CREBBP: variants seen among roughly 807,000 people sequenced by gnomAD.
CREBBP encodes CREB-binding protein.
In CREBBP, 19 loss-of-function variants were observed where a neutral mutation model predicts 265.0. The ratio of observed to expected loss-of-function variants is 0.07; its 90% CI spans 0.05 to 0.11. The LOEUF (loss-of-function observed/expected upper bound fraction) is 0.11. Ranked by LOEUF, CREBBP falls within the 10% of genes least tolerant of loss-of-function variation. CREBBP has a pLI of 1.00. For missense variants in CREBBP, 2,525 were observed against 3,219.0 expected, an observed-to-expected ratio of 0.78 and a Z score of 5.22; for synonymous variants, 1,457 against 1,223.7, an observed-to-expected ratio of 1.19 and a Z score of -3.98.
intron 4 of CREBBP, among the ~76,000 whole-genome samples, chr16:3,792,659 C>T (rs1026967942): frequency 3.9e-5 from 6 of 152,214 alleles, no homozygotes; most frequent in African/African-American, 1.4e-4. Context: ...ACTCTGGGGA[C>T]TCACAAATGT....
At chr16:3,868,549 A>G (rs1430966649) in intron 1 of CREBBP, among the ~76,000 whole-genome samples, 1 of 152,176 alleles carries the variant, frequency 6.6e-6, no homozygotes, top group Non-Finnish European at 1.5e-5. Flanking sequence ...GCCCTAAAAA[A>G]AAATAATAAC....
chr16:3,829,015 G>A (rs1264209696), intron 2 of CREBBP, among the ~76,000 whole-genome samples: 2 of 150,182 alleles, frequency 1.3e-5, no homozygotes, highest in Non-Finnish European at 3.0e-5. Flanking sequence ...GGATCACACT[G>A]AAATTTTATG....
chr16:3,823,357 T>C (rs1403698827), intron 2 of CREBBP, among the ~76,000 whole-genome samples: 3 of 152,164 alleles, frequency 2.0e-5, no homozygotes, highest in Non-Finnish European at 2.9e-5. Context: ...GATCAAACTG[T>C]TGGTGACAGA....
intron 2 of CREBBP, among the ~76,000 whole-genome samples, chr16:3,849,441 GTGTGTGTGTGTGTGTGTGTGTGTGTGTGT>G (rs2054763759): frequency 1.7e-4 from 3 of 17,942 alleles, no homozygotes; most frequent in East Asian, 4.1e-3. Flanking sequence ...GTGTGTGTGT[GTGTGTGTGTGTGTGTGTGTGTGTGTGTGT>G]GTGTGTGTGT....
intron 23 of CREBBP, among the ~76,000 whole-genome samples, chr16:3,744,527 A>C (rs1188098607): frequency 6.6e-6 from 1 of 152,196 alleles, no homozygotes; most frequent in Non-Finnish European, 1.5e-5. Context: ...GGGTGGACTG[A>C]GATGTTTTAC....
rs751410159 is a variant in CREBBP at position 3,757,200 on chromosome 16, C to G, written c.3698+88G>C. ...GAAATTGGGCCACTTTTTATTGGAA[C>G]TTCAGGAAAGAAATAATGTACACAG... On this transcript the variant is annotated intron_variant, in intron 19 of 30. Coordinates refer to ENST00000262367, the MANE Select transcript of CREBBP (RefSeq NM_004380.3). 378 of 1,188,556 alleles carry G rather than the reference C, an allele frequency of 3.2e-4. 1 individual carries two copies. The highest frequency in any genetic ancestry group is 2.1e-3 in the East Asian group (85 of 39,748). The allele number at this position is 1,188,556 out of a possible 1,614,324, so 73.6% of individuals were successfully genotyped here.
intron 1 of CREBBP, among the ~76,000 whole-genome samples, chr16:3,863,250 G>C (rs1254121379): frequency 1.3e-5 from 2 of 152,034 alleles, no homozygotes; most frequent in Non-Finnish European, 2.9e-5. Flanking sequence ...TCTGTATCAG[G>C]TATCAAAAAA....
intron 28 of CREBBP, among the ~76,000 whole-genome samples, chr16:3,735,832 C>G (rs767880135): frequency 1.7e-4 from 26 of 152,202 alleles, no homozygotes; most frequent in Non-Finnish European, 3.2e-4. Flanking sequence ...GGACCCCCAG[C>G]TCCCCAGAGC....
At chr16:3,814,206 A>T in intron 2 of CREBBP, among the ~76,000 whole-genome samples, 3 of 120,224 alleles carry the variant, frequency 2.5e-5, no homozygotes, top group African/African-American at 1.0e-4. Flanking sequence ...TTTGAGACAG[A>T]GTCTCGTTCT....
intron 11 of CREBBP, among the ~76,000 whole-genome samples, chr16:3,775,373 G>A (rs1442784037): frequency 6.6e-6 from 1 of 152,230 alleles, no homozygotes; most frequent in African/African-American, 2.4e-5. Flanking sequence ...AGACTGCGGT[G>A]TCTAGTTCCT....
chr16:3,729,899 C>A (rs779242476), intron 30 of CREBBP, 25 bp from the exon 31 acceptor site: 2 of 1,598,686 alleles, frequency 1.3e-6, no homozygotes, highest in Non-Finnish European at 1.7e-6. Flanking sequence ...AGGGGACAGG[C>A]CGGTGTCAGC....
rs186047725 is a variant in CREBBP, at chr16:3,730,163, C to T, written c.5173-289G>A. ...TCCCAAGGACCTTCACTCCTGGCAA[C>T]AGCCCTGAAGGCTCAAAGATAACCT... On this transcript the variant is annotated intron_variant, in intron 30 of 30. Transcript: ENST00000262367. Among the ~76,000 whole-genome samples the T allele has an allele frequency of 2.6e-3, 398 of 152,328 alleles. 1 individual carries two copies. Among genetic ancestry groups the T allele is most frequent in the Admixed American group, 5.2e-3 (80 of 15,304 alleles).
rs751990841 is a variant in CREBBP at position 3,758,923 on chromosome 16, T to C, written c.3300A>G (p.Ala1100=). 1 of 1,613,136 alleles carries C rather than the reference T, an allele frequency of 6.2e-7. No individual in the cohort carries two copies. The highest frequency in any genetic ancestry group is 2.2e-5 in the East Asian group (1 of 44,888). ...LRQALMPTLE[A]LYRQDPESLP... ...ATGACTCTGGGTCCTGTCGATACAGTGCTTCTAGGGTTGGCATGAGGGCCT... is the reference window on the plus strand; with the variant it reads ...ATGACTCTGGGTCCTGTCGATACAGCGCTTCTAGGGTTGGCATGAGGGCCT... The change falls in exon 17 of 31, where the codon GCA becomes GCG. Residue 1100 remains alanine, a synonymous_variant. Transcript: ENST00000262367.
chr16:3,764,554 G>A (rs1005043554), intron 16 of CREBBP, among the ~76,000 whole-genome samples: 10 of 151,830 alleles, frequency 6.6e-5, no homozygotes, highest in African/African-American at 2.2e-4. Flanking sequence ...GGGATTATAG[G>A]TGGGAGCCAC....
chr16:3,847,431 T>C (rs1488346502), intron 2 of CREBBP, among the ~76,000 whole-genome samples: 1 of 152,218 alleles, frequency 6.6e-6, no homozygotes, highest in Middle Eastern at 3.2e-3. Flanking sequence ...AATGGACTTG[T>C]CTCTCCCTCT....
chr16:3,771,597 A>G (rs2053010218), intron 13 of CREBBP, among the ~76,000 whole-genome samples: 1 of 152,032 alleles, frequency 6.6e-6, no homozygotes, highest in Middle Eastern at 3.4e-3. Flanking sequence ...CAGTCTTGGA[A>G]CGCCTGAAAC....
Position 3,768,346 on chromosome 16 carries a change from C to T in CREBBP, c.3061-437G>A, listed in dbSNP as rs151081630. ...ATTCTTGGTAGATATGGGGTTTCATCATGTTGGCGAGGCTGGTCTCGAACT... is the reference window on the plus strand; with the variant it reads ...ATTCTTGGTAGATATGGGGTTTCATTATGTTGGCGAGGCTGGTCTCGAACT... On this transcript the variant is annotated intron_variant, in intron 15 of 30. Transcript: ENST00000262367. Among the ~76,000 whole-genome samples the T allele has an allele frequency of 3.3e-3, 502 of 151,880 alleles. 5 individuals are homozygous for T. The highest frequency in any genetic ancestry group is 0.012 in the African/African-American group (478 of 41,442).
intron 1 of CREBBP, among the ~76,000 whole-genome samples, chr16:3,858,559 G>C (rs1340082441): frequency 1.3e-5 from 2 of 152,192 alleles, no homozygotes; most frequent in African/African-American, 2.4e-5. Flanking sequence ...TCAGTGCCTA[G>C]CATAAAATGC....
rs542926953 is a variant in CREBBP at position 3,780,328 on chromosome 16, C to T, written c.1823+404G>A. Among the ~76,000 whole-genome samples, 12 of 151,748 alleles carry T rather than the reference C, an allele frequency of 7.9e-5. No homozygotes were observed. In the South Asian group the frequency reaches 2.1e-3, roughly 26 times the overall value. ...GTGATAATGACATGCCATCTATACT[C>T]TAAACTTTTCCAATTCTGAGGGGTC... On this transcript the variant is annotated intron_variant, in intron 8 of 30. Transcript: ENST00000262367.
Sources: gnomAD v4.1 joint callset for allele counts (sites outside exome capture counted in the v4.1 genomes callset) on GRCh38, gnomAD v4.1.1 for gene constraint, MANE v1.5 for transcripts, NCBI Gene and HGNC (gene_info 2026-07-23, HGNC 2026-07-21) for gene names.